ZC3H18: variants seen among roughly 807,000 people sequenced by gnomAD.
ZC3H18 encodes zinc finger CCCH-type containing 18.
Under a neutral mutation model 106.1 loss-of-function variants are expected in ZC3H18, and 8 were observed. The ratio of observed to expected loss-of-function variants is 0.08; its 90% confidence interval spans 0.04 to 0.14. ZC3H18 has a LOEUF of 0.14. Ranked by LOEUF, ZC3H18 falls within the 10% of genes least tolerant of loss-of-function variation. The pLI is 1.00. For missense variants in ZC3H18, 1,318 were observed against 1,278.4 expected (o/e 1.03, Z -0.47); for synonymous variants, 635 against 522.1 (o/e 1.22, Z -2.95).
chr16:88,579,753 A>G (rs1418541180), intron 2 of ZC3H18, among the ~76,000 whole-genome samples: 1 of 152,176 alleles, frequency 6.6e-6, no homozygotes, highest in Non-Finnish European at 1.5e-5. Context: ...AAACCCCAGC[A>G]CAGCTCCCTT....
intron 15 of ZC3H18, 49 bp from the exon 16 acceptor site, chr16:88,628,709 C>T (rs1906473284): frequency 6.2e-7 from 1 of 1,602,776 alleles, no homozygotes; most frequent in Non-Finnish European, 8.5e-7. Context: ...GAGGACACGG[C>T]TTCTGGCTCC....
intron 1 of ZC3H18, 131 bp from the exon 2 acceptor site, chr16:88,576,979 T>A: frequency 7.4e-6 from 6 of 807,414 alleles, no homozygotes; most frequent in Non-Finnish European, 1.1e-5. Context: ...CAGAGTGGAG[T>A]GTGGGATTTG....
intron 13 of ZC3H18, 183 bp downstream of exon 13, chr16:88,625,450 C>G: frequency 1.4e-6 from 1 of 691,724 alleles, no homozygotes; most frequent in Non-Finnish European, 2.4e-6. Context: ...TGGGCCAGGA[C>G]TCGTGATAGG....
chr16:88,589,357 T>C (rs1597329277), intron 3 of ZC3H18, among the ~76,000 whole-genome samples: 1 of 152,206 alleles, frequency 6.6e-6, no homozygotes, highest in East Asian at 1.9e-4. Context: ...TGAAAGCTTG[T>C]GCATTAATGT....
At chr16:88,588,942 G>A (rs568820974) in intron 3 of ZC3H18, among the ~76,000 whole-genome samples, 30 of 152,208 alleles carry the variant, frequency 2.0e-4, no homozygotes, top group African/African-American at 6.7e-4. Flanking sequence ...TTAATCAGGT[G>A]TTATCAATAA....
At chr16:88,595,263 A>AGTGGAG (rs1904367461) in intron 3 of ZC3H18, among the ~76,000 whole-genome samples, 1 of 152,246 alleles carries the variant, frequency 6.6e-6, no homozygotes, top group Non-Finnish European at 1.5e-5. Context: ...TAGACATTTC[A>AGTGGAG]GCAGTGGAGG....
intron 16 of ZC3H18, 90 bp from the exon 17 acceptor site, chr16:88,630,395 T>C: frequency 1.0e-6 from 1 of 987,312 alleles, no homozygotes; most frequent in Non-Finnish European, 1.6e-6. Context: ...CCTCAGGCTT[T>C]AGAAGTGAGT....
At chr16:88,586,882 A>T (rs1915472464) in intron 3 of ZC3H18, among the ~76,000 whole-genome samples, 198 bp downstream of exon 3, 1 of 152,144 alleles carries the variant, frequency 6.6e-6, no homozygotes, top group African/African-American at 2.4e-5. Flanking sequence ...TGGTGCTTTT[A>T]TCACTTTAAT....
intron 1 of ZC3H18, among the ~76,000 whole-genome samples, chr16:88,574,047 G>C (rs961203438): frequency 1.3e-5 from 2 of 151,706 alleles, no homozygotes; most frequent in African/African-American, 2.4e-5. Context: ...CTAATGTTTT[G>C]TATATTTAGT....
intron 8 of ZC3H18, among the ~76,000 whole-genome samples, chr16:88,616,121 CCT>C (rs1262739013): frequency 6.6e-6 from 1 of 152,214 alleles, no homozygotes; most frequent in African/African-American, 2.4e-5. Context: ...ATCGCCAGCC[CCT>C]GAGCCCTCAG....
intron 4 of ZC3H18, 120 bp from the exon 5 acceptor site, chr16:88,598,500 G>A: frequency 6.9e-7 from 1 of 1,448,246 alleles, no homozygotes; most frequent in Non-Finnish European, 9.5e-7. Context: ...GTGAGGCTTG[G>A]TGGAAGGAGA....
intron 2 of ZC3H18, among the ~76,000 whole-genome samples, chr16:88,579,516 C>T (rs1225030103): frequency 2.0e-5 from 3 of 152,304 alleles, no homozygotes; most frequent in African/African-American, 7.2e-5. Flanking sequence ...GTGGAGCATA[C>T]TGTGAGTTCT....
At chr16:88,625,598 A>G (rs1906254672) in intron 13 of ZC3H18, 1 of 351,484 alleles carries the variant, frequency 2.8e-6, no homozygotes, top group Non-Finnish European at 5.3e-6. Flanking sequence ...GGCAGCTTCC[A>G]GCCCAGCAGG....
intron 2 of ZC3H18, among the ~76,000 whole-genome samples, chr16:88,585,552 G>C (rs899968625): frequency 2.0e-5 from 3 of 152,192 alleles, no homozygotes; most frequent in East Asian, 1.9e-4. Flanking sequence ...AGGACCTGTC[G>C]TAGGGGGAGC....
At chr16:88,623,487 C>G in intron 10 of ZC3H18, 143 bp downstream of exon 10, 2 of 1,149,648 alleles carry the variant, frequency 1.7e-6, no homozygotes, top group Non-Finnish European at 1.2e-6. Flanking sequence ...GCCAGGGGGT[C>G]GTGTCCTGTG....
intron 1 of ZC3H18, 116 bp from the exon 2 acceptor site, chr16:88,576,994 A>T: frequency 3.8e-6 from 4 of 1,046,856 alleles, no homozygotes; most frequent in South Asian, 1.8e-5. Context: ...GATTTGGGGC[A>T]GGGCCGTGTG....
chr16:88,598,555 G>A, intron 4 of ZC3H18, 65 bp from the exon 5 acceptor site: 3 of 1,521,166 alleles, frequency 2.0e-6, no homozygotes, highest in Non-Finnish European at 2.7e-6. Flanking sequence ...TGTTTTTACT[G>A]TCTGGTTTCT....
chr16:88,628,068 G>C lies in ZC3H18; in HGVS notation c.2418G>C (p.Gln806His), dbSNP rs372554563. Residue 806 changes from glutamine to histidine, a missense_variant, in exon 15 of 18, where the codon CAG (glutamine) becomes CAC (histidine). Transcript: ENST00000301011. ...TPQQAPPGQP[Q>H]QGTFVAHKEI... ...AGCAGGCACCCCCCGGGCAGCCCCA[G>C]CAGGGCACATTTGTGGCCCACAAGG... 46 of 1,613,988 alleles carry C rather than the reference G, an allele frequency of 2.9e-5. No homozygotes were observed. The highest frequency in any genetic ancestry group is 3.3e-5 in the Non-Finnish European group (39 of 1,180,034).
chr16:88,600,038 G>T, intron 6 of ZC3H18, 90 bp downstream of exon 6: 3 of 1,490,484 alleles, frequency 2.0e-6, no homozygotes, highest in Middle Eastern at 2.2e-4. Flanking sequence ...CCCAGGGTGC[G>T]CTCGGCTGAG....
Sources: gnomAD v4.1 joint callset for allele counts (sites outside exome capture counted in the v4.1 genomes callset) on GRCh38, gnomAD v4.1.1 for gene constraint, MANE v1.5 for transcripts, NCBI Gene and HGNC (gene_info 2026-07-23, HGNC 2026-07-21) for gene names.